Variants in NPHP4 observed in about 807,000 individuals in gnomAD.
The protein encoded by NPHP4 is nephrocystin 4.
NPHP4 carries 151 observed loss-of-function variants against 155.8 expected under a neutral mutation model. The ratio of observed to expected loss-of-function variants is 0.97; its 90% confidence interval spans 0.85 to 1.11. The LOEUF (loss-of-function observed/expected upper bound fraction) is 1.11. NPHP4 is among the 50% of genes least tolerant of loss of function. The pLI is 0.00. For missense variants in NPHP4, 1,956 were observed against 1,925.7 expected (o/e 1.02, Z -0.29); for synonymous variants, 845 against 816.8 (o/e 1.03, Z -0.59).
At chr1:5,948,536 C>T (rs1647276695) in intron 7 of NPHP4, among the ~76,000 whole-genome samples, 4 of 152,192 alleles carry the variant, frequency 2.6e-5, no homozygotes, top group South Asian at 4.1e-4. Flanking sequence ...AAACCCGACA[C>T]TAGCTTTCCA....
intron 11 of NPHP4, among the ~76,000 whole-genome samples, chr1:5,918,795 T>C (rs1249736217): frequency 6.6e-6 from 1 of 152,220 alleles, no homozygotes; most frequent in Non-Finnish European, 1.5e-5. Flanking sequence ...TAACACAAGA[T>C]GAAGTGGAAA....
intron 3 of NPHP4, among the ~76,000 whole-genome samples, chr1:5,974,166 G>A (rs546542576): frequency 1.6e-4 from 25 of 152,206 alleles, no homozygotes; most frequent in Non-Finnish European, 2.6e-4. Flanking sequence ...AGTAAGAGCC[G>A]CTCAAGAGGG....
At chr1:5,868,746 C>A (rs1223660211) in intron 23 of NPHP4, among the ~76,000 whole-genome samples, 2 of 101,612 alleles carry the variant, frequency 2.0e-5, no homozygotes, top group East Asian at 2.0e-4. Flanking sequence ...CATGCACCCA[C>A]ACATGTACAC....
Position 5,915,721 on chromosome 1 carries a change from G to A in NPHP4, c.1442-6508C>T, listed in dbSNP as rs186190081. 3.3e-4 allele frequency among the ~76,000 whole-genome samples: 50 copies of A among 152,216 alleles called. 1 individual carries two copies. The East Asian group carries it at 8.7e-3, about 26-fold the overall frequency. The stretch of plus-strand genomic sequence containing the variant: ...AGCCCTGAGCTGGGGTCACCTCCAG[G>A]GTCAGTTTCAGAAGTGTCACCTCCC... On this transcript the variant is annotated intron_variant, in intron 11 of 29. Coordinates refer to ENST00000378156, the MANE Select transcript of NPHP4 (RefSeq NM_015102.5).
At chr1:5,948,877 A>G (rs1238185793) in intron 7 of NPHP4, among the ~76,000 whole-genome samples, 1 of 152,244 alleles carries the variant, frequency 6.6e-6, no homozygotes, top group Non-Finnish European at 1.5e-5. Context: ...AAAAATGTAC[A>G]GGCGCTATAA....
chr1:5,893,810 C>T (rs766892819), intron 16 of NPHP4, among the ~76,000 whole-genome samples: 3 of 152,178 alleles, frequency 2.0e-5, no homozygotes, highest in Non-Finnish European at 2.9e-5. Context: ...GACCATGGTC[C>T]GCCTGGCAAC....
intron 23 of NPHP4, among the ~76,000 whole-genome samples, chr1:5,869,365 T>C (rs1261861753): frequency 2.0e-5 from 3 of 150,546 alleles, no homozygotes; most frequent in African/African-American, 7.4e-5. Context: ...CACACATGCA[T>C]GCACACACAC....
intron 18 of NPHP4, chr1:5,880,852 G>C (rs948897670): frequency 1.3e-5 from 2 of 153,740 alleles, no homozygotes; most frequent in Non-Finnish European, 2.9e-5. Flanking sequence ...ACACTCTCCT[G>C]CAAGGATGGG....
intron 23 of NPHP4, among the ~76,000 whole-genome samples, chr1:5,871,250 T>A (rs760513133): frequency 4.6e-5 from 7 of 152,130 alleles, no homozygotes; most frequent in Non-Finnish European, 1.0e-4. Context: ...AATAACTACT[T>A]GTTATTTAAA....
At chr1:5,887,146 TG>T in intron 18 of NPHP4, 139 bp downstream of exon 18, 1 of 798,988 alleles carries the variant, frequency 1.3e-6, no homozygotes, top group Non-Finnish European at 2.0e-6. Flanking sequence ...ACAGGCTCCA[TG>T]GCCAAGCTGG....
intron 5 of NPHP4, among the ~76,000 whole-genome samples, chr1:5,964,735 G>A (rs577650877): frequency 2.0e-5 from 3 of 151,604 alleles, no homozygotes; most frequent in Admixed American, 6.6e-5. Flanking sequence ...CCGACACAAA[G>A]TGGGAAAAGA....
chr1:5,951,135 G>A (rs1647914653), intron 7 of NPHP4, among the ~76,000 whole-genome samples: 1 of 152,218 alleles, frequency 6.6e-6, no homozygotes, highest in African/African-American at 2.4e-5. Context: ...TAGCACAAAG[G>A]CCCGAGGGAA....
chr1:5,964,786 A>G (rs1303283133), intron 5 of NPHP4, among the ~76,000 whole-genome samples: 1 of 151,058 alleles, frequency 6.6e-6, no homozygotes, highest in Admixed American at 6.6e-5. Context: ...ACCCAAAGAG[A>G]GAGGTTACCT....
chr1:5,949,343 T>TACACACACACACACACACAC (rs140032819), intron 7 of NPHP4, among the ~76,000 whole-genome samples: 2,446 of 140,818 alleles, frequency 0.017, 63 homozygotes, highest in African/African-American at 0.018. Flanking sequence ...TTCACATACA[T>TACACACACACACACACACAC]ACACACACAC....
At chr1:5,916,646 G>C (rs1440292512) in intron 11 of NPHP4, among the ~76,000 whole-genome samples, 1 of 152,214 alleles carries the variant, frequency 6.6e-6, no homozygotes, top group East Asian at 1.9e-4. Context: ...ACTCCTCTCT[G>C]CCAAGGATAT....
At chr1:5,948,400 A>G (rs1647253588) in intron 7 of NPHP4, 149 bp from the exon 8 acceptor site, 3 of 637,108 alleles carry the variant, frequency 4.7e-6, no homozygotes, top group Non-Finnish European at 5.3e-6. Context: ...AGATGAGTGC[A>G]AGCAAATGAC....
chr1:5,889,457 CTTGT>C lies in NPHP4; in HGVS notation c.2304+1407_2304+1410del, dbSNP rs1643998995. On this transcript the variant is annotated intron_variant, in intron 17 of 29. Transcript: ENST00000378156. This position sits in a 1 kb window ranked among gnomAD's most constrained non-coding sequence, Gnocchi z 4.2. The stretch of plus-strand genomic sequence containing the variant: ...GTCTATGTCAACAAGCGTAACGGCA[CTTGT>C]TTAAGGGGCTCTTCGTGTAGGGGGA... Among the ~76,000 whole-genome samples the C allele has an allele frequency of 6.6e-6, 1 of 152,202 alleles. No homozygotes were observed. Among genetic ancestry groups the C allele is most frequent in the Non-Finnish European group, 1.5e-5 (1 of 68,034 alleles).
intron 20 of NPHP4, chr1:5,875,882 G>C (rs941166422): frequency 6.6e-6 from 1 of 152,314 alleles, no homozygotes; most frequent in African/African-American, 2.4e-5. Context: ...GCTGACTTCA[G>C]TGCTTTCAGG....
chr1:5,916,314 G>C (rs539343907), intron 11 of NPHP4, among the ~76,000 whole-genome samples: 2 of 152,230 alleles, frequency 1.3e-5, no homozygotes, highest in Non-Finnish European at 2.9e-5. Flanking sequence ...ATATCATTAA[G>C]ATCTCCAAAG....
Sources: allele counts gnomAD v4.1 joint callset (sites outside exome capture counted in the v4.1 genomes callset), GRCh38; gene constraint gnomAD v4.1.1; non-coding constraint Gnocchi (gnomAD v3.1); transcripts MANE v1.5; gene names NCBI Gene and HGNC (gene_info 2026-07-23, HGNC 2026-07-21).